Variants in AGBL1 observed in about 807,000 individuals in gnomAD.
AGBL1 encodes cytosolic carboxypeptidase 4.
A neutral mutation model predicts 118.9 loss-of-function variants in AGBL1; 130 were observed. The observed-to-expected ratio is 1.09, with a 90% CI of 0.95 to 1.26. The LOEUF (loss-of-function observed/expected upper bound fraction) is 1.26. Ranked by LOEUF, AGBL1 falls within the 50% of genes most tolerant of loss-of-function variation. The pLI is 0.00. For synonymous variants in AGBL1, 555 were observed against 478.9 expected (o/e 1.16, Z -2.08); for missense variants, 1,584 against 1,298.1 (o/e 1.22, Z -3.38).
chr15:86,808,285 A>G (rs2078744508), intron 22 of AGBL1, among the ~76,000 whole-genome samples: 1 of 152,152 alleles, frequency 6.6e-6, no homozygotes, highest in African/African-American at 2.4e-5. Flanking sequence ...TTTCCTGTAG[A>G]GAAGATGGTG....
chr15:86,326,449 T>C (rs2080185307), intron 17 of AGBL1, among the ~76,000 whole-genome samples: 1 of 152,206 alleles, frequency 6.6e-6, no homozygotes, highest in East Asian at 1.9e-4. Context: ...TATTATACAA[T>C]GTAAATAAAA....
In AGBL1 at chr15:86,913,843, C is replaced by T. The variant is rs2080384430; in HGVS notation, c.*6549C>T. The T allele has an allele frequency of 6.6e-6, 1 of 152,184 alleles. No homozygotes were observed. Among genetic ancestry groups the T allele is most frequent in the Admixed American group, 6.5e-5 (1 of 15,284 alleles). 9.4% of individuals were successfully genotyped at this position (152,184 alleles called of 1,614,324 possible). ...GAGTCGTGATCGCACAACTGCACTCCTGCCTAGGTGGCAGAGTGAGACCCT... is the reference window on the plus strand; with the variant it reads ...GAGTCGTGATCGCACAACTGCACTCTTGCCTAGGTGGCAGAGTGAGACCCT... On this transcript the variant is annotated 3_prime_UTR_variant, in exon 23 of 23. Transcript: ENST00000614907.
At chr15:86,696,360 G>A (rs903739534) in intron 22 of AGBL1, among the ~76,000 whole-genome samples, 2 of 151,860 alleles carry the variant, frequency 1.3e-5, no homozygotes, top group African/African-American at 2.4e-5. Context: ...TTAAACTGCT[G>A]TTGCTTTAAA....
rs141678018 is a variant in AGBL1, at chr15:86,723,971, C to G, written c.3158+49535C>G. Among the ~76,000 whole-genome samples the G allele has an allele frequency of 6.9e-3, 1,050 of 152,156 alleles. 9 individuals carry two copies. The highest frequency in any genetic ancestry group is 0.023 in the African/African-American group (953 of 41,534). On this transcript the variant is annotated intron_variant, in intron 22 of 22. Coordinates refer to ENST00000614907, the MANE Select transcript of AGBL1 (RefSeq NM_001386094.1). Reference sequence around the variant, plus strand: ...GTTGAGTAGGCCGGGCGCAGTGGCTCAAGCCTGTAATCCCAGCACTTTGGG... The same window carrying G: ...GTTGAGTAGGCCGGGCGCAGTGGCTGAAGCCTGTAATCCCAGCACTTTGGG...
intron 7 of AGBL1, among the ~76,000 whole-genome samples, chr15:86,249,971 C>T (rs1277429288): frequency 6.6e-6 from 1 of 152,168 alleles, no homozygotes; most frequent in Non-Finnish European, 1.5e-5. Flanking sequence ...AAGCTTCCAG[C>T]CTTGAACTAC....
chr15:86,103,605 C>T (rs1158409145), intron 1 of AGBL1, among the ~76,000 whole-genome samples: 1 of 152,100 alleles, frequency 6.6e-6, no homozygotes, highest in Non-Finnish European at 1.5e-5. Context: ...CATGTAATTT[C>T]TTCACCTGTA....
At chr15:86,902,699 T>C (rs995038010) in intron 22 of AGBL1, among the ~76,000 whole-genome samples, 1 of 152,196 alleles carries the variant, frequency 6.6e-6, no homozygotes, top group African/African-American at 2.4e-5. Context: ...TGTCAGTTCT[T>C]TGCTTTCAAC....
intron 22 of AGBL1, among the ~76,000 whole-genome samples, chr15:86,676,371 A>C (rs1313733954): frequency 6.6e-6 from 1 of 152,148 alleles, no homozygotes; most frequent in African/African-American, 2.4e-5. Flanking sequence ...CATGGTTGAG[A>C]GGGAGATCAC....
At chr15:86,875,305 C>A (rs2079791678) in intron 22 of AGBL1, among the ~76,000 whole-genome samples, 1 of 152,226 alleles carries the variant, frequency 6.6e-6, no homozygotes, top group South Asian at 2.1e-4. Context: ...CTACCTGGGA[C>A]AAGCCCAGAG....
At chr15:86,283,059 T>C (rs549412938) in intron 16 of AGBL1, among the ~76,000 whole-genome samples, 1 of 152,230 alleles carries the variant, frequency 6.6e-6, no homozygotes. Flanking sequence ...TCGTTCGTTT[T>C]ATAGCATTCA....
At chr15:86,744,150 T>C (rs1303198072) in intron 22 of AGBL1, among the ~76,000 whole-genome samples, 1 of 152,104 alleles carries the variant, frequency 6.6e-6, no homozygotes, top group Admixed American at 6.6e-5. Flanking sequence ...AACACAAACA[T>C]TTCCAATGAC....
intron 6 of AGBL1, among the ~76,000 whole-genome samples, chr15:86,244,737 CAGAAAAA>C (rs2078693902): frequency 6.6e-6 from 1 of 152,060 alleles, no homozygotes; most frequent in Admixed American, 6.6e-5. Flanking sequence ...ACTCTTAAAA[CAGAAAAA>C]AGACAAAAGT....
At chr15:86,172,703 G>A (rs922296688) in intron 5 of AGBL1, among the ~76,000 whole-genome samples, 1 of 152,132 alleles carries the variant, frequency 6.6e-6, no homozygotes, top group South Asian at 2.1e-4. Flanking sequence ...TGGTGGACTA[G>A]TATTCCATTA....
At chr15:86,798,233 GA>G (rs951044592) in intron 22 of AGBL1, among the ~76,000 whole-genome samples, 1 of 152,142 alleles carries the variant, frequency 6.6e-6, no homozygotes, top group Non-Finnish European at 1.5e-5. Flanking sequence ...TCGAGTGACA[GA>G]GTTGGCTTGG....
At chr15:86,895,315 T>C (rs572700738) in intron 22 of AGBL1, among the ~76,000 whole-genome samples, 3 of 152,046 alleles carry the variant, frequency 2.0e-5, no homozygotes, top group Non-Finnish European at 4.4e-5. Context: ...CTGTACCTTA[T>C]GTCATCTTAT....
chr15:86,948,088 G>T (rs1254660066), intron 23 of AGBL1, among the ~76,000 whole-genome samples: 1 of 152,130 alleles, frequency 6.6e-6, no homozygotes, highest in Non-Finnish European at 1.5e-5. Flanking sequence ...TTTACGGCAT[G>T]ACAGAAGCAA....
downstream of AGBL1, among the ~76,000 whole-genome samples, chr15:87,029,727 A>T (rs1056512411): frequency 2.6e-5 from 4 of 151,934 alleles, no homozygotes; most frequent in Admixed American, 2.6e-4. Flanking sequence ...TCTCTAGAAT[A>T]TAATCTTTTC....
At chr15:86,258,861 C>G (rs911459355) in intron 9 of AGBL1, among the ~76,000 whole-genome samples, 3 of 152,154 alleles carry the variant, frequency 2.0e-5, no homozygotes, top group Non-Finnish European at 4.4e-5. Flanking sequence ...TGCCTACCAC[C>G]ACACCCAGCT....
intron 18 of AGBL1, among the ~76,000 whole-genome samples, chr15:86,470,155 T>A (rs995482926): frequency 3.5e-4 from 53 of 152,182 alleles, no homozygotes; most frequent in African/African-American, 1.3e-3. Context: ...TCCAGACTAA[T>A]GTTAATAAGT....
Sources: gnomAD v4.1 joint callset for allele counts (sites outside exome capture counted in the v4.1 genomes callset) on GRCh38, gnomAD v4.1.1 for gene constraint, MANE v1.5 for transcripts, NCBI Gene and HGNC (gene_info 2026-07-23, HGNC 2026-07-21) for gene names.